Variants in XPO4 observed in about 807,000 individuals in gnomAD.
XPO4 encodes exportin 4.
Under a neutral mutation model 143.0 loss-of-function variants are expected in XPO4, and 39 were observed. That is an observed-to-expected ratio of 0.27 (90% CI 0.21 to 0.36). The LOEUF (loss-of-function observed/expected upper bound fraction) is 0.36. Among genes scored for constraint, XPO4 ranks in the 10% least tolerant of loss-of-function variants. The pLI is 1.00. For missense variants in XPO4, 907 were observed against 1,348.0 expected (o/e 0.67, Z 5.12); for synonymous variants, 439 against 474.0 (o/e 0.93, Z 0.96).
intron 4 of XPO4, among the ~76,000 whole-genome samples, chr13:20,846,583 G>C (rs2060030948): frequency 2.0e-5 from 3 of 152,184 alleles, no homozygotes; most frequent in African/African-American, 7.2e-5. Flanking sequence ...TGCACTTATA[G>C]ACTTAGCCCC....
At chr13:20,859,630 A>G (rs1430762309) in intron 3 of XPO4, among the ~76,000 whole-genome samples, 2 of 151,754 alleles carry the variant, frequency 1.3e-5, no homozygotes. Context: ...TACAAAAATT[A>G]GCTGGGTGTG....
intron 6 of XPO4, among the ~76,000 whole-genome samples, chr13:20,834,422 A>G (rs530458114): frequency 1.3e-4 from 20 of 152,076 alleles, no homozygotes; most frequent in African/African-American, 4.3e-4. Context: ...CCCTACAAAA[A>G]TCAGCCAGGC....
rs140072396 is a variant in XPO4 at position 20,855,881 on chromosome 13, G to A, written c.318-116C>T. The A allele has an allele frequency of 6.9e-5, 79 of 1,140,730 alleles. No homozygotes were observed. The African/African-American group carries it at 1.1e-3, about 16-fold the overall frequency. The allele number at this position is 1,140,730 out of a possible 1,614,324, so 70.7% of individuals were successfully genotyped here. ...ACATTGCTTACATGTGAGAGTAGAA[G>A]AGCCAAAGGGTTATGTACAGACTCC... On this transcript the variant is annotated intron_variant, in intron 3 of 22. Coordinates refer to ENST00000255305, the MANE Select transcript of XPO4 (RefSeq NM_022459.5).
chr13:20,850,182 T>C, intron 4 of XPO4: 1 of 985,126 alleles, frequency 1.0e-6, no homozygotes, highest in East Asian at 1.1e-4. Context: ...CTTAAAATAT[T>C]GTTTGAGAGA....
chr13:20,865,281 G>A (rs1043150081), intron 2 of XPO4: 14 of 166,328 alleles, frequency 8.4e-5, no homozygotes, highest in Non-Finnish European at 1.5e-4. Context: ...TGGGAATACA[G>A]GCATGTGCCA....
At chr13:20,855,908 A>C in intron 3 of XPO4, 143 bp from the exon 4 acceptor site, 1 of 853,884 alleles carries the variant, frequency 1.2e-6, no homozygotes, top group Non-Finnish European at 1.7e-6. Context: ...ACAGACTCCA[A>C]AGCCAGGAGG....
chr13:20,846,735 G>A (rs531961467), intron 4 of XPO4, among the ~76,000 whole-genome samples: 2 of 152,170 alleles, frequency 1.3e-5, no homozygotes, highest in East Asian at 3.9e-4. Flanking sequence ...AGTTATTACT[G>A]TAACATTTAT....
Position 20,851,231 on chromosome 13 carries a change from C to T in XPO4, c.456+4396G>A, listed in dbSNP as rs1050196627. The T allele has an allele frequency of 2.0e-5, 20 of 985,274 alleles. No individual in the cohort carries two copies. In the Admixed American group the frequency reaches 1.1e-3, roughly 54 times the overall value. The allele number at this position is 985,274 out of a possible 1,614,324, so 61.0% of individuals were successfully genotyped here. A position where few individuals can be genotyped will look rare whatever the true frequency, so the allele number is the denominator to read the frequency against. On this transcript the variant is annotated intron_variant, in intron 4 of 22. Transcript: ENST00000255305. ...GCCTTCCTATTGAGCTAGTTTCAAG[C>T]TACTGGGCAAGGACAAATAGGGACA...
chr13:20,861,777 C>CTTTTTTTTTTT (rs71200306), intron 3 of XPO4, among the ~76,000 whole-genome samples: 11 of 73,442 alleles, frequency 1.5e-4, no homozygotes, highest in African/African-American at 4.8e-4. Flanking sequence ...ACATTTCTCT[C>CTTTTTTTTTTT]TTTTTTTTTT....
At chr13:20,851,711 CAA>C (rs11340357) in intron 4 of XPO4, 21,550 of 767,590 alleles carry the variant, frequency 0.028, 2 homozygotes, top group South Asian at 0.032. Flanking sequence ...CCCGGTCTCA[CAA>C]AAAAAAAAAA....
In XPO4 at chr13:20,881,144, G is replaced by A. The variant is rs145817084; in HGVS notation, c.70-12443C>T. Among the ~76,000 whole-genome samples, 660 of 152,248 alleles carry A rather than the reference G, an allele frequency of 4.3e-3. 8 individuals are homozygous for A. Among genetic ancestry groups the A allele is most frequent in the African/African-American group, 0.015 (624 of 41,552 alleles). On this transcript the variant is annotated intron_variant, in intron 1 of 22. Transcript: ENST00000255305. ...TCATGGTTACCAGGGATTAGAGGCA[G>A]GAGGAAATGGGAAGTTGCTATTTAA... is the stretch of plus-strand genomic sequence containing the variant.
At chr13:20,853,910 G>T (rs1372203703) in intron 4 of XPO4, among the ~76,000 whole-genome samples, 1 of 152,108 alleles carries the variant, frequency 6.6e-6, no homozygotes, top group African/African-American at 2.4e-5. Context: ...AAGTTCTACT[G>T]GACAGCACTA....
chr13:20,841,678 A>G (rs187404444), intron 6 of XPO4, among the ~76,000 whole-genome samples: 1 of 152,176 alleles, frequency 6.6e-6, no homozygotes, highest in East Asian at 1.9e-4. Flanking sequence ...ATATTCTACT[A>G]CGTGAATAGA....
intron 18 of XPO4, among the ~76,000 whole-genome samples, chr13:20,795,358 A>G (rs2059343701): frequency 6.6e-6 from 1 of 152,216 alleles, no homozygotes; most frequent in African/African-American, 2.4e-5. Flanking sequence ...AACAGCAACT[A>G]TCTTTTACCT....
At chr13:20,861,103 A>G (rs2060192958) in intron 3 of XPO4, among the ~76,000 whole-genome samples, 1 of 152,164 alleles carries the variant, frequency 6.6e-6, no homozygotes, top group African/African-American at 2.4e-5. Context: ...ACCATTCCTA[A>G]GCACACACAT....
At chr13:20,806,678 G>A (rs1308009369) in intron 13 of XPO4, among the ~76,000 whole-genome samples, 5 of 148,960 alleles carry the variant, frequency 3.4e-5, no homozygotes, top group East Asian at 2.0e-4. Context: ...TCAGCCTCCC[G>A]AGTAGCTGGG....
In XPO4 at chr13:20,802,452, C is replaced by G. The variant is rs1595070246; in HGVS notation, c.1818-1462G>C. Among the ~76,000 whole-genome samples, 3 of 152,110 alleles carry G rather than the reference C, an allele frequency of 2.0e-5. No individual in the cohort carries two copies. The East Asian group carries it at 5.8e-4, about 29-fold the overall frequency. On this transcript the variant is annotated intron_variant, in intron 13 of 22. Transcript: ENST00000255305. ...GGTATATGAACAACAACAAAACAAACAAATAAAACCCCAACAATCTCCCAG... is the reference window on the plus strand; with the variant it reads ...GGTATATGAACAACAACAAAACAAAGAAATAAAACCCCAACAATCTCCCAG...
chr13:20,831,315 T>C (rs1231203390), intron 6 of XPO4, among the ~76,000 whole-genome samples: 1 of 152,204 alleles, frequency 6.6e-6, no homozygotes, highest in Admixed American at 6.5e-5. Context: ...TTTTAAAACT[T>C]TCAAAAGTTT....
chr13:20,853,069 C>T (rs2060104963), intron 4 of XPO4: 2 of 984,236 alleles, frequency 2.0e-6, no homozygotes, highest in Non-Finnish European at 2.4e-6. Flanking sequence ...TGGTGGCTCA[C>T]ATCTGTAATC....
Sources: allele counts gnomAD v4.1 joint callset (sites outside exome capture counted in the v4.1 genomes callset), GRCh38; gene constraint gnomAD v4.1.1; transcripts MANE v1.5; gene names NCBI Gene and HGNC (gene_info 2026-07-23, HGNC 2026-07-21).